RYR2: variants seen among roughly 807,000 people sequenced by gnomAD.
RYR2 encodes cardiac muscle ryanodine receptor-calcium release channel.
In RYR2, 227 loss-of-function variants were observed where a neutral mutation model predicts 601.1. The ratio of observed to expected loss-of-function variants is 0.38; its 90% CI spans 0.34 to 0.42. The LOEUF (loss-of-function observed/expected upper bound fraction) is 0.42. Among genes scored for constraint, RYR2 ranks in the 10% least tolerant of loss-of-function variants. RYR2 has a pLI of 1.00. For missense variants in RYR2, 4,646 were observed against 6,156.5 expected (o/e 0.75, Z 8.21); for synonymous variants, 2,223 against 2,175.1 (o/e 1.02, Z -0.61).
At chr1:237,783,270 C>G (rs933159694) in intron 89 of RYR2, among the ~76,000 whole-genome samples, 2 of 152,210 alleles carry the variant, frequency 1.3e-5, no homozygotes, top group Non-Finnish European at 2.9e-5. Flanking sequence ...ACCTGCCTTA[C>G]ATATGAACAT....
intron 14 of RYR2, among the ~76,000 whole-genome samples, chr1:237,452,601 A>T (rs139275730): frequency 7.9e-4 from 118 of 148,652 alleles, no homozygotes; most frequent in African/African-American, 2.7e-3. Flanking sequence ...TTCTGGATAT[A>T]TTAATAAATA....
intron 17 of RYR2, among the ~76,000 whole-genome samples, chr1:237,486,384 T>C (rs1402475264): frequency 6.6e-6 from 1 of 152,204 alleles, no homozygotes; most frequent in Non-Finnish European, 1.5e-5. Context: ...AGTTTATTGC[T>C]GTACAATACT....
chr1:237,796,304 A>G (rs1417170759), intron 96 of RYR2, among the ~76,000 whole-genome samples: 5 of 152,128 alleles, frequency 3.3e-5, no homozygotes, highest in Admixed American at 1.3e-4. Flanking sequence ...AGAAAACTCT[A>G]TATCTGTAGT....
At chr1:237,823,068 C>T (rs1436141248) in intron 101 of RYR2, among the ~76,000 whole-genome samples, 1 of 152,118 alleles carries the variant, frequency 6.6e-6, no homozygotes, top group African/African-American at 2.4e-5. Context: ...GACTTAGACT[C>T]CCCAAAATAA....
rs547330582 is a variant in RYR2, at chr1:237,153,662, T to A, written c.48+111093T>A. On this transcript the variant is annotated intron_variant, in intron 1 of 104. Coordinates refer to ENST00000366574, the MANE Select transcript of RYR2 (RefSeq NM_001035.3). The stretch of plus-strand genomic sequence containing the variant: ...CTATAATCAATAAATCTTTTTTTTT[T>A]AATTTTCCCAATAATTTTGCAGACA... Among the ~76,000 whole-genome samples the A allele has an allele frequency of 1.5e-4, 23 of 151,026 alleles. No homozygotes were observed. In the East Asian group the frequency reaches 2.9e-3, roughly 19 times the overall value.
chr1:237,638,612 A>G, intron 45 of RYR2, 120 bp downstream of exon 45: 1 of 1,094,278 alleles, frequency 9.1e-7, no homozygotes. Context: ...ATATTTTATA[A>G]TCGATAGGGG....
intron 97 of RYR2, among the ~76,000 whole-genome samples, 197 bp from the exon 98 acceptor site, chr1:237,801,659 A>G (rs187909837): frequency 6.6e-6 from 1 of 152,300 alleles, no homozygotes; most frequent in East Asian, 1.9e-4. Context: ...AGATCCTCTA[A>G]GAACACATCA....
intron 5 of RYR2, among the ~76,000 whole-genome samples, chr1:237,366,917 CCAGA>C (rs896137665): frequency 1.3e-5 from 2 of 151,922 alleles, no homozygotes; most frequent in Non-Finnish European, 2.9e-5. Flanking sequence ...GTAATTCAAA[CCAGA>C]CAAAGTAAAT....
intron 1 of RYR2, among the ~76,000 whole-genome samples, chr1:237,107,928 G>C (rs1046817416): frequency 1.3e-5 from 2 of 152,126 alleles, no homozygotes; most frequent in African/African-American, 4.8e-5. Flanking sequence ...AGGCATTGTT[G>C]AAAAGCCTCT....
intron 2 of RYR2, among the ~76,000 whole-genome samples, chr1:237,272,920 T>A (rs6429002): frequency 0.13 from 19,383 of 152,028 alleles, 2,229 homozygotes; most frequent in African/African-American, 0.31. Context: ...AACCCACAGC[T>A]TAACATCTGT....
intron 2 of RYR2, among the ~76,000 whole-genome samples, chr1:237,294,797 G>A (rs183620745): frequency 3.0e-4 from 46 of 152,276 alleles, no homozygotes; most frequent in Admixed American, 2.6e-3. Context: ...GGGATTGCAG[G>A]AAGGGTTGCT....
intron 3 of RYR2, among the ~76,000 whole-genome samples, chr1:237,338,885 G>T (rs1378114835): frequency 6.6e-6 from 1 of 152,156 alleles, no homozygotes; most frequent in African/African-American, 2.4e-5. Flanking sequence ...GGAGGAAAAG[G>T]AGTTGATGAA....
At chr1:237,409,720 A>G (rs181683134) in intron 10 of RYR2, among the ~76,000 whole-genome samples, 10 of 152,274 alleles carry the variant, frequency 6.6e-5, no homozygotes, top group African/African-American at 2.4e-4. Flanking sequence ...TAAATGAAGT[A>G]GTATTTTATT....
At chr1:237,193,469 C>G (rs1436360616) in intron 1 of RYR2, among the ~76,000 whole-genome samples, 1 of 151,988 alleles carries the variant, frequency 6.6e-6, no homozygotes, top group Non-Finnish European at 1.5e-5. Context: ...AAAAAACAAA[C>G]AAAAATATCT....
chr1:237,477,976 G>A (rs972803660), intron 17 of RYR2, among the ~76,000 whole-genome samples: 6 of 152,192 alleles, frequency 3.9e-5, no homozygotes, highest in East Asian at 1.9e-4. Flanking sequence ...GATATTAGCC[G>A]AGGTGCTTTG....
At chr1:237,650,188 C>A in intron 50 of RYR2, 91 bp downstream of exon 50, 2 of 1,190,364 alleles carry the variant, frequency 1.7e-6, no homozygotes, top group Admixed American at 1.9e-5. Flanking sequence ...ATTTTGGAAA[C>A]ATTTTCCATA....
chr1:237,597,813 G>A lies in RYR2; in HGVS notation c.4596+2156G>A, dbSNP rs545901171. ...TAGAAAACAACCAACAAAATATTAG[G>A]AATAATTCCTTACCTATCAATAATA... is the stretch of plus-strand genomic sequence containing the variant. On this transcript the variant is annotated intron_variant, in intron 34 of 104. Coordinates refer to ENST00000366574, the MANE Select transcript of RYR2 (RefSeq NM_001035.3). Among the ~76,000 whole-genome samples the A allele has an allele frequency of 1.7e-3, 252 of 152,142 alleles. 1 individual carries two copies. The highest frequency in any genetic ancestry group is 6.8e-3 in the Middle Eastern group (2 of 294).
intron 10 of RYR2, among the ~76,000 whole-genome samples, chr1:237,406,206 T>C: frequency 1.5e-5 from 1 of 66,368 alleles, no homozygotes; most frequent in African/African-American, 8.1e-5. Context: ...TTCCCTCCCC[T>C]CCCTTCCCCT....
chr1:237,410,402 A>G (rs1194332619), intron 10 of RYR2, among the ~76,000 whole-genome samples: 1 of 152,194 alleles, frequency 6.6e-6, no homozygotes, highest in Non-Finnish European at 1.5e-5. Flanking sequence ...AATTTATGAA[A>G]GACCCTAGAC....
Sources: gnomAD v4.1 joint callset for allele counts (sites outside exome capture counted in the v4.1 genomes callset) on GRCh38, gnomAD v4.1.1 for gene constraint, MANE v1.5 for transcripts, NCBI Gene and HGNC (gene_info 2026-07-23, HGNC 2026-07-21) for gene names.